Variants in EPHA8 observed in about 807,000 individuals in gnomAD.
EPHA8 encodes EPH receptor A8.
A neutral mutation model predicts 103.6 loss-of-function variants in EPHA8; 58 were observed. The observed-to-expected ratio is 0.56, with a 90% CI of 0.45 to 0.70. The LOEUF is 0.70. EPHA8 is among the 30% of genes least tolerant of loss of function. EPHA8 has a pLI of 0.00. For synonymous variants in EPHA8, 559 were observed against 572.5 expected, an observed-to-expected ratio of 0.98 and a Z score of 0.34; for missense variants, 1,304 against 1,395.2, an observed-to-expected ratio of 0.93 and a Z score of 1.04.
In EPHA8 at chr1:22,589,203, G is replaced by A. The variant is rs1330123469; in HGVS notation, c.1312G>A (p.Ala438Thr). The part of the protein sequence containing the change: ...AAVVNITTNQ[A>T]APSQVVVIRQ... ...TGTGGTCAACATCACCACGAACCAG[G>A]CAGGTAGGCGGAGAAACTCCGTCCC... Residue 438 changes from alanine (A) to threonine (T), a missense_variant, in exon 5 of 17, where the codon GCA becomes ACA. By Grantham distance (58) the Ala-to-Thr change is moderately conservative. Transcript: ENST00000166244. This position sits in a 1 kb window ranked among gnomAD's most constrained non-coding sequence, Gnocchi z 4.3. The A allele has an allele frequency of 6.2e-7, 1 of 1,613,952 alleles. No homozygotes were observed. Among genetic ancestry groups the A allele is most frequent in the Admixed American group, 1.7e-5 (1 of 60,026 alleles).
In EPHA8 at chr1:22,593,521, C is replaced by A; in HGVS notation, c.1441-3C>A. ...GGGCCCACTGACCACCGTCCCGTGGCAGGACAAGGAGATGCAGAGCTACTC... is the reference window on the plus strand; with the variant it reads ...GGGCCCACTGACCACCGTCCCGTGGAAGGACAAGGAGATGCAGAGCTACTC... On this transcript the variant is annotated splice_region_variant and splice_polypyrimidine_tract_variant and intron_variant, in intron 6 of 16. Transcript: ENST00000166244. The A allele has an allele frequency of 6.2e-7, 1 of 1,611,314 alleles. No individual in the cohort carries two copies. Among genetic ancestry groups the A allele is most frequent in the Non-Finnish European group, 8.5e-7 (1 of 1,178,974 alleles).
chr1:22,590,585 T>C (rs1454311939), intron 5 of EPHA8, among the ~76,000 whole-genome samples: 1 of 152,140 alleles, frequency 6.6e-6, no homozygotes, highest in African/African-American at 2.4e-5. Context: ...CCCACGCCCA[T>C]TTTCCATTGA....
rs374784294 is a variant in EPHA8, at chr1:22,597,671, T to C, written c.1931-5T>C. On this transcript the variant is annotated splice_region_variant and splice_polypyrimidine_tract_variant and intron_variant, in intron 10 of 16. Coordinates refer to ENST00000166244, the MANE Select transcript of EPHA8 (RefSeq NM_020526.5). The surrounding 1 kb of genome is among the most constrained non-coding windows in gnomAD (Gnocchi z 4.6). ...CTCCACACCTGCCCCTCTCGGGGCC[T>C]GCAGGAGACTCCGGGGAAGTCTGCT... 316 of 1,602,272 alleles carry C rather than the reference T, an allele frequency of 2.0e-4. 2 individuals carry two copies. The African/African-American group carries it at 3.7e-3, about 19-fold the overall frequency.
At position 22,597,339 on chromosome 1, in the gene EPHA8, A is replaced by G. The variant is rs763379733; in HGVS notation, c.1793A>G (p.His598Arg). ...CCCCCACCTGTCTTCCTGCCTCTGC[A>G]TCACCCCCCGGGAAAGCTCCCAGAG... ...QAPPPVFLPL[H>R]HPPGKLPEPQ... Residue 598 changes from histidine to arginine, a missense_variant, in exon 10 of 17, where the codon CAT (histidine) becomes CGT (arginine). Coordinates refer to ENST00000166244, the MANE Select transcript of EPHA8 (RefSeq NM_020526.5). The surrounding 1 kb of genome is among the most constrained non-coding windows in gnomAD (Gnocchi z 4.6). 1.2e-5 allele frequency: 19 copies of G among 1,594,076 alleles called. No homozygotes were observed. The highest frequency in any genetic ancestry group is 1.6e-5 in the Non-Finnish European group (19 of 1,167,848).
Position 22,595,273 on chromosome 1 carries a change from G to A in EPHA8, c.1647G>A (p.Thr549=), listed in dbSNP as rs748687000. The change falls in exon 8 of 17, where the codon ACG becomes ACA. Residue 549 remains threonine, a synonymous_variant. Transcript: ENST00000166244. ...GGACCATTGTCTGGATCTGCCTGAC[G>A]CTCATCACGGGCCTGGTGGTGCTTC... is the stretch of plus-strand genomic sequence containing the variant. ...DTRTIVWICL[T]LITGLVVLLL... 16 of 1,613,688 alleles carry A rather than the reference G, an allele frequency of 9.9e-6. No individual in the cohort carries two copies. Among genetic ancestry groups the A allele is most frequent in the Middle Eastern group, 1.6e-4 (1 of 6,080 alleles).
At position 22,598,761 on chromosome 1, in the gene EPHA8, C is replaced by T. The variant is rs1641591568; in HGVS notation, c.2179-77C>T. 10 of 1,453,860 alleles carry T rather than the reference C, an allele frequency of 6.9e-6. No individual in the cohort carries two copies. The highest frequency in any genetic ancestry group is 9.5e-6 in the Non-Finnish European group (10 of 1,057,364). 90.1% of individuals were successfully genotyped at this position (1,453,860 alleles called of 1,614,324 possible). Reference sequence around the variant, plus strand: ...ACCGTCTCAACTCGAGAGCATCCTACAGATGGGAGGTGTTCCTGTTCACGG... The same window carrying T: ...ACCGTCTCAACTCGAGAGCATCCTATAGATGGGAGGTGTTCCTGTTCACGG... On this transcript the variant is annotated intron_variant, in intron 12 of 16. Coordinates refer to ENST00000166244, the MANE Select transcript of EPHA8 (RefSeq NM_020526.5). The surrounding 1 kb of genome is among the most constrained non-coding windows in gnomAD (Gnocchi z 5.1).
In EPHA8 at chr1:22,602,805, T is replaced by C. The variant is rs1641776155; in HGVS notation, c.*1064T>C. On this transcript the variant is annotated 3_prime_UTR_variant, in exon 17 of 17. Transcript: ENST00000166244. ...GACTAAGGCCTGGAGAGAGGGGTGATGCCCCGTCCCAGGTTGCACTGCAAC... is the reference window on the plus strand; with the variant it reads ...GACTAAGGCCTGGAGAGAGGGGTGACGCCCCGTCCCAGGTTGCACTGCAAC... The C allele has an allele frequency of 6.6e-6, 1 of 152,336 alleles. No individual in the cohort carries two copies. Among genetic ancestry groups the C allele is most frequent in the Admixed American group, 6.5e-5 (1 of 15,270 alleles). The allele number at this position is 152,336 out of a possible 1,614,324, so 9.4% of individuals were successfully genotyped here. A position where few individuals can be genotyped will look rare whatever the true frequency, so the allele number is the denominator to read the frequency against.
chr1:22,579,004 CAT>C (rs1400708951), intron 3 of EPHA8, among the ~76,000 whole-genome samples: 2 of 132,768 alleles, frequency 1.5e-5, no homozygotes, highest in Non-Finnish European at 3.1e-5. Context: ...TGTGTATATG[CAT>C]GTGTGTGCAT....
At chr1:22,578,697 CTGTGTG>C (rs146554873) in intron 3 of EPHA8, among the ~76,000 whole-genome samples, 3 of 145,272 alleles carry the variant, frequency 2.1e-5, no homozygotes, top group African/African-American at 7.4e-5. Flanking sequence ...GTATGTGTGC[CTGTGTG>C]TGTATGTATA....
At chr1:22,585,545 G>C (rs1373573647) in intron 3 of EPHA8, among the ~76,000 whole-genome samples, 1 of 152,304 alleles carries the variant, frequency 6.6e-6, no homozygotes, top group African/African-American at 2.4e-5. Flanking sequence ...AGTGATCCCA[G>C]CTGAGAGCCA....
chr1:22,591,388 A>T (rs1641368452), intron 5 of EPHA8, among the ~76,000 whole-genome samples: 1 of 143,170 alleles, frequency 7.0e-6, no homozygotes, highest in Non-Finnish European at 1.5e-5. Flanking sequence ...ATGCCCAGTG[A>T]TTTTTTTTTT....
chr1:22,600,673 C>G lies in EPHA8; in HGVS notation c.2401C>G (p.Pro801Ala). Residue 801 changes from proline (P) to alanine (A), a missense_variant, in exon 14 of 17, where the codon CCC becomes GCC. Pro to Ala is a conservative substitution (Grantham distance 27). Coordinates refer to ENST00000166244, the MANE Select transcript of EPHA8 (RefSeq NM_020526.5). ...GTGTCCGTCGCAGGGCGGGAAGATC[C>G]CCATCCGCTGGACGGCCCCAGAGGC... ...AAYTTTGGKI[P>A]IRWTAPEAIA... 6.2e-7 allele frequency: 1 copy of G among 1,613,420 alleles called. No homozygotes were observed. Among genetic ancestry groups the G allele is most frequent in the Non-Finnish European group, 8.5e-7 (1 of 1,179,826 alleles).
rs1291260711 is a variant in EPHA8, at chr1:22,567,553, G to A, written c.95-1736G>A. On this transcript the variant is annotated intron_variant, in intron 1 of 16. Coordinates refer to ENST00000166244, the MANE Select transcript of EPHA8 (RefSeq NM_020526.5). The surrounding 1 kb of genome is among the most constrained non-coding windows in gnomAD (Gnocchi z 4.2). ...CCCAGGGAGGAATGCAGGGAGGAGCGCGGAGACCCCCTCCCTAGTTCTGCC... is the reference window on the plus strand; with the variant it reads ...CCCAGGGAGGAATGCAGGGAGGAGCACGGAGACCCCCTCCCTAGTTCTGCC... Among the ~76,000 whole-genome samples, 2 of 152,028 alleles carry A rather than the reference G, an allele frequency of 1.3e-5. No homozygotes were observed. The highest frequency in any genetic ancestry group is 6.5e-5 in the Admixed American group (1 of 15,282).
chr1:22,588,363 TG>T (rs1260757596), intron 4 of EPHA8, among the ~76,000 whole-genome samples: 3 of 152,072 alleles, frequency 2.0e-5, no homozygotes, highest in Non-Finnish European at 4.4e-5. Flanking sequence ...TGCCCGGGGT[TG>T]GGGAGCGGCT....
intron 5 of EPHA8, among the ~76,000 whole-genome samples, chr1:22,590,508 A>G (rs552860300): frequency 6.6e-6 from 1 of 152,110 alleles, no homozygotes; most frequent in Non-Finnish European, 1.5e-5. Context: ...GGCCACATCC[A>G]TGGGCGCCTC....
In EPHA8 at chr1:22,601,350, G is replaced by A. The variant is rs1641722001; in HGVS notation, c.2780G>A (p.Ser927Asn). 1 of 1,608,780 alleles carries A rather than the reference G, an allele frequency of 6.2e-7. No individual in the cohort carries two copies. Among genetic ancestry groups the A allele is most frequent in the Non-Finnish European group, 8.5e-7 (1 of 1,178,766 alleles). ...AGCTGCTTTGACCTCCGAGGGGGCA[G>A]CGGTGGCGGTGGGGGCCTCACCGTG... is the stretch of plus-strand genomic sequence containing the variant. ...VRSCFDLRGG[S>N]GGGGGLTVGD... The change falls in exon 16 of 17, where the codon AGC (serine) becomes AAC (asparagine). Residue 927 changes from serine to asparagine, a missense_variant. Transcript: ENST00000166244.
intron 3 of EPHA8, among the ~76,000 whole-genome samples, chr1:22,585,050 T>TGTGTGTGTGTGTGTGTGTGTGC (rs71020436): frequency 1.1e-5 from 1 of 93,494 alleles, no homozygotes; most frequent in African/African-American, 6.0e-5. Context: ...TGTGTGTGTG[T>TGTGTGTGTGTGTGTGTGTGTGC]GCGCACGCGT....
intron 3 of EPHA8, among the ~76,000 whole-genome samples, chr1:22,578,129 T>G (rs1377221581): frequency 1.1e-5 from 1 of 91,096 alleles, no homozygotes; most frequent in Non-Finnish European, 2.4e-5. Flanking sequence ...AGTGTATGCA[T>G]GTGTGCATGT....
intron 3 of EPHA8, among the ~76,000 whole-genome samples, chr1:22,585,320 G>A (rs1408200651): frequency 6.6e-6 from 1 of 152,150 alleles, no homozygotes; most frequent in African/African-American, 2.4e-5. Context: ...CATTGTCTAA[G>A]CCCTGGGGAG....
Sources: allele counts gnomAD v4.1 joint callset (sites outside exome capture counted in the v4.1 genomes callset), GRCh38; gene constraint gnomAD v4.1.1; non-coding constraint Gnocchi (gnomAD v3.1); transcripts MANE v1.5; gene names NCBI Gene and HGNC (gene_info 2026-07-23, HGNC 2026-07-21).